Variants in PTPRK observed in about 807,000 individuals in gnomAD.
The protein encoded by PTPRK is protein tyrosine phosphatase receptor type K.
Under a neutral mutation model 178.0 loss-of-function variants are expected in PTPRK, and 75 were observed. That is an observed-to-expected ratio of 0.42 (90% CI 0.35 to 0.51). PTPRK has a LOEUF of 0.51. PTPRK is among the 20% of genes least tolerant of loss of function. The pLI, the probability that PTPRK is intolerant of heterozygous loss-of-function variation, is 0.02. For synonymous variants in PTPRK, 637 were observed against 620.6 expected, an observed-to-expected ratio of 1.03 and a Z score of -0.39; for missense variants, 1,441 against 1,797.8, an observed-to-expected ratio of 0.80 and a Z score of 3.59.
At chr6:128,066,509 T>C (rs113434324) in intron 12 of PTPRK, among the ~76,000 whole-genome samples, 6 of 152,038 alleles carry the variant, frequency 3.9e-5, no homozygotes, top group South Asian at 4.1e-4. Context: ...ATTAAACTCT[T>C]TAAGATATAA....
intron 13 of PTPRK, among the ~76,000 whole-genome samples, chr6:128,021,408 T>G (rs1344443519): frequency 6.6e-6 from 1 of 152,096 alleles, no homozygotes; most frequent in Non-Finnish European, 1.5e-5. Context: ...AGGCCGAGGC[T>G]GGTGGATCAC....
In PTPRK at chr6:127,992,685, T is replaced by G; in HGVS notation, c.2869A>C (p.Ile957Leu). 6.3e-7 allele frequency: 1 copy of G among 1,586,494 alleles called. No homozygotes were observed. Among genetic ancestry groups the G allele is most frequent in the Non-Finnish European group, 8.6e-7 (1 of 1,168,470 alleles). The change falls in exon 19 of 30, where the codon ATT (isoleucine) becomes CTT (leucine). Residue 957 changes from isoleucine (I) to leucine (L), a missense_variant. This residue lies in a region of PTPRK where 945 missense variants were observed against 1,080.6 expected (regional missense o/e 0.87). Coordinates refer to ENST00000368226, the MANE Select transcript of PTPRK (RefSeq NM_002844.4). ...GGCAAAGTTTTACCTTGGGTTGCAA[T>G]GTAATGACTTGGTCTCTGGTAGCCC... Reference protein sequence around the residue: ...IDGYQRPSHYIATQGPVHETV... With the variant: ...IDGYQRPSHYLATQGPVHETV...
At chr6:128,059,246 A>G (rs748559048) in intron 13 of PTPRK, among the ~76,000 whole-genome samples, 1 of 152,210 alleles carries the variant, frequency 6.6e-6, no homozygotes, top group Non-Finnish European at 1.5e-5. Flanking sequence ...CATTTCACCA[A>G]TATTGAATCT....
intron 6 of PTPRK, among the ~76,000 whole-genome samples, chr6:128,208,717 A>C (rs147789981): frequency 2.6e-4 from 40 of 152,296 alleles, no homozygotes; most frequent in African/African-American, 9.1e-4. Flanking sequence ...TATGAAATGG[A>C]AACTTAGGAA....
chr6:128,075,767 T>C (rs774810439), intron 11 of PTPRK, among the ~76,000 whole-genome samples: 1 of 152,072 alleles, frequency 6.6e-6, no homozygotes, highest in Non-Finnish European at 1.5e-5. Context: ...CAAGATTTTC[T>C]AGTTGGTATG....
At chr6:128,141,548 GTT>G (rs1315604590) in intron 7 of PTPRK, among the ~76,000 whole-genome samples, 2 of 151,582 alleles carry the variant, frequency 1.3e-5, no homozygotes, top group Non-Finnish European at 3.0e-5. Flanking sequence ...CTAAAATCCT[GTT>G]GAGATTTGGA....
At chr6:127,975,732 C>T (rs571057080) in intron 27 of PTPRK, among the ~76,000 whole-genome samples, 4 of 152,224 alleles carry the variant, frequency 2.6e-5, no homozygotes, top group South Asian at 2.1e-4. Flanking sequence ...GGTGCAGTGG[C>T]GTGATCTCAG....
intron 7 of PTPRK, among the ~76,000 whole-genome samples, chr6:128,157,660 T>A (rs952363435): frequency 6.6e-5 from 10 of 152,074 alleles, no homozygotes; most frequent in African/African-American, 2.2e-4. Flanking sequence ...TATCTCATTT[T>A]GGTTTTGATT....
At chr6:128,216,436 G>A (rs1304210729) in intron 6 of PTPRK, among the ~76,000 whole-genome samples, 2 of 151,840 alleles carry the variant, frequency 1.3e-5, no homozygotes, top group Non-Finnish European at 2.9e-5. Context: ...TTGGGAGGTT[G>A]AGGCACGAGA....
intron 2 of PTPRK, among the ~76,000 whole-genome samples, chr6:128,361,074 A>T (rs551030811): frequency 1.4e-4 from 21 of 152,316 alleles, no homozygotes; most frequent in Middle Eastern, 3.4e-3. Flanking sequence ...ATCTAAATTT[A>T]TAAGGACTAG....
chr6:128,119,688 T>C (rs1307893123), intron 7 of PTPRK, among the ~76,000 whole-genome samples: 1 of 152,062 alleles, frequency 6.6e-6, no homozygotes, highest in Non-Finnish European at 1.5e-5. Flanking sequence ...TCATGGTTAC[T>C]TCTCCTTTCA....
At chr6:128,296,953 C>T (rs1422843503) in intron 3 of PTPRK, among the ~76,000 whole-genome samples, 2 of 151,762 alleles carry the variant, frequency 1.3e-5, no homozygotes, top group Non-Finnish European at 2.9e-5. Flanking sequence ...AGTCAAGACC[C>T]ATCAGTGTGC....
intron 25 of PTPRK, among the ~76,000 whole-genome samples, chr6:127,978,000 C>T (rs924419252): frequency 6.6e-6 from 1 of 152,208 alleles, no homozygotes; most frequent in African/African-American, 2.4e-5. Flanking sequence ...CTTCAAGAAT[C>T]TTAACATCAG....
rs556728129 is a variant in PTPRK, at chr6:128,268,358, G to C, written c.496-25756C>G. ...CTCACATTTGTCACTAAACTCCAAG[G>C]GTCATCAATTATTGAGCACAAAAAG... On this transcript the variant is annotated intron_variant, in intron 3 of 29. Coordinates refer to ENST00000368226, the MANE Select transcript of PTPRK (RefSeq NM_002844.4). 3.6e-3 allele frequency among the ~76,000 whole-genome samples: 541 copies of C among 151,854 alleles called. 4 individuals are homozygous for C. The highest frequency in any genetic ancestry group is 6.0e-3 in the Non-Finnish European group (405 of 67,880).
intron 1 of PTPRK, among the ~76,000 whole-genome samples, chr6:128,476,695 A>C (rs1851415738): frequency 1.3e-5 from 2 of 152,064 alleles, no homozygotes; most frequent in Admixed American, 6.6e-5. Flanking sequence ...AAAATTATTT[A>C]GTCTCGTTCA....
chr6:128,363,187 A>G (rs1411648832), intron 2 of PTPRK, among the ~76,000 whole-genome samples: 2 of 152,148 alleles, frequency 1.3e-5, no homozygotes, highest in African/African-American at 4.8e-5. Context: ...GCTTGCAGTT[A>G]GATGGTATAA....
intron 13 of PTPRK, among the ~76,000 whole-genome samples, chr6:128,011,034 T>C (rs1778992768): frequency 6.6e-6 from 1 of 151,258 alleles, no homozygotes; most frequent in Admixed American, 6.6e-5. Context: ...GTTAGAAATA[T>C]ATACATATAT....
chr6:128,511,391 T>C (rs1857165625), intron 1 of PTPRK, among the ~76,000 whole-genome samples: 1 of 152,168 alleles, frequency 6.6e-6, no homozygotes, highest in Non-Finnish European at 1.5e-5. Context: ...AGCCTTAGAT[T>C]CAATGGTTGG....
intron 13 of PTPRK, among the ~76,000 whole-genome samples, chr6:128,017,373 C>T (rs73582629): frequency 6.6e-6 from 1 of 152,066 alleles, no homozygotes; most frequent in African/African-American, 2.4e-5. Flanking sequence ...CTAACTCTCA[C>T]TCTTGAAAGT....
Sources: gnomAD v4.1 joint callset for allele counts (sites outside exome capture counted in the v4.1 genomes callset) on GRCh38, gnomAD v4.1.1 for gene constraint, gnomAD v4.1.1 regional missense constraint, MANE v1.5 for transcripts, NCBI Gene and HGNC (gene_info 2026-07-23, HGNC 2026-07-21) for gene names.